The following RAB27B variants were observed in gnomAD, a reference collection of about 807,000 sequenced individuals.
RAB27B encodes the protein RAB27B, member RAS oncogene family.
Under a neutral mutation model 24.6 loss-of-function variants are expected in RAB27B, and 15 were observed. That is an observed-to-expected ratio of 0.61 (90% CI 0.41 to 0.94). The LOEUF is 0.94. Ranked by LOEUF, RAB27B falls within the 40% of genes least tolerant of loss-of-function variation. The probability of loss-of-function intolerance (pLI) is 0.00; values close to 1 mark genes in which losing one functional copy is unlikely to be tolerated. For missense variants in RAB27B, 261 were observed against 266.8 expected, an observed-to-expected ratio of 0.98 and a Z score of 0.15; for synonymous variants, 105 against 92.5, an observed-to-expected ratio of 1.14 and a Z score of -0.78.
At chr18:54,855,426 T>C (rs1911743985) in intron 1 of RAB27B, among the ~76,000 whole-genome samples, 1 of 152,194 alleles carries the variant, frequency 6.6e-6, no homozygotes, top group African/African-American at 2.4e-5. Context: ...ACAAATTATT[T>C]GTATTATATA....
chr18:54,762,463 A>G (rs1908220993), intron 2 of RAB27B, among the ~76,000 whole-genome samples: 1 of 152,172 alleles, frequency 6.6e-6, no homozygotes, highest in Admixed American at 6.6e-5. Flanking sequence ...CTGGGAAATG[A>G]ATACACTCCC....
At chr18:54,771,591 AGTGTGTGT>A (rs36228307) in intron 2 of RAB27B, among the ~76,000 whole-genome samples, 7,416 of 144,914 alleles carry the variant, frequency 0.051, 242 homozygotes, top group African/African-American at 0.082. Flanking sequence ...CTGATAGTTT[AGTGTGTGT>A]GTGTGTGTGT....
chr18:54,885,630 C>G (rs4485448), intron 4 of RAB27B, among the ~76,000 whole-genome samples: 144,456 of 151,386 alleles, frequency 0.95, 69,003 homozygotes, highest in Non-Finnish European at 1. Context: ...ACTCATCACT[C>G]TGTATCCCCT....
chr18:54,775,872 T>A (rs1972415), intron 2 of RAB27B, among the ~76,000 whole-genome samples: 69,847 of 152,038 alleles, frequency 0.46, 17,607 homozygotes, highest in Middle Eastern at 0.59. Flanking sequence ...TCATTCAACA[T>A]CATCCACCTA....
intron 2 of RAB27B, among the ~76,000 whole-genome samples, chr18:54,736,728 AG>A (rs1909907473): frequency 6.6e-6 from 1 of 152,110 alleles, no homozygotes; most frequent in Admixed American, 6.6e-5. Flanking sequence ...TTCTAGGCTA[AG>A]GGGGGTTTTG....
At chr18:54,751,872 T>C (rs559229343) in intron 2 of RAB27B, among the ~76,000 whole-genome samples, 5 of 152,314 alleles carry the variant, frequency 3.3e-5, no homozygotes, top group African/African-American at 9.6e-5. Flanking sequence ...CAGGAAACTA[T>C]AGAAAATACT....
chr18:54,758,796 T>G (rs1455508259), intron 2 of RAB27B, among the ~76,000 whole-genome samples: 1 of 152,090 alleles, frequency 6.6e-6, no homozygotes, highest in African/African-American at 2.4e-5. Flanking sequence ...TATGCTGAAG[T>G]GGGAGCAAAT....
chr18:54,824,387 TA>T (rs1431078170), upstream of RAB27B, among the ~76,000 whole-genome samples: 1 of 152,210 alleles, frequency 6.6e-6, no homozygotes, highest in African/African-American at 2.4e-5. Context: ...GTAACAACTC[TA>T]AAAAATCTTC....
chr18:54,807,501 C>A (rs1278157989), intron 2 of RAB27B, among the ~76,000 whole-genome samples: 2 of 152,174 alleles, frequency 1.3e-5, no homozygotes, highest in African/African-American at 4.8e-5. Flanking sequence ...AACATGATAA[C>A]TTGACTCATC....
intron 1 of RAB27B, among the ~76,000 whole-genome samples, chr18:54,832,280 T>G (rs1910711796): frequency 6.6e-6 from 1 of 151,496 alleles, no homozygotes. Context: ...TACTAATAAA[T>G]TGGATAAAGG....
At position 54,895,110 on chromosome 18, in the gene RAB27B, A is replaced by G. The variant is rs1030970369; in HGVS notation, c.*5697A>G. 1 of 22,762 alleles carries G rather than the reference A, an allele frequency of 4.4e-5. No individual in the cohort carries two copies. Among genetic ancestry groups the G allele is most frequent in the Non-Finnish European group, 1.2e-4 (1 of 8,646 alleles). The allele number at this position is 22,762 out of a possible 1,614,324, so 1.4% of individuals were successfully genotyped here. ...CTGAAATTATTTTTTAAAAAAATAAATTATCCTGCTTTAGTTAGTGTGTTA... is the reference window on the plus strand; with the variant it reads ...CTGAAATTATTTTTTAAAAAAATAAGTTATCCTGCTTTAGTTAGTGTGTTA... On this transcript the variant is annotated 3_prime_UTR_variant, in exon 6 of 6. Transcript: ENST00000262094.
At chr18:54,728,370 GC>G (rs964365367) in intron 2 of RAB27B, among the ~76,000 whole-genome samples, 2 of 152,100 alleles carry the variant, frequency 1.3e-5, no homozygotes, top group Non-Finnish European at 2.9e-5. Context: ...TTTTACTCTT[GC>G]CCCCCTCAGC....
intron 1 of RAB27B, among the ~76,000 whole-genome samples, chr18:54,833,083 A>G (rs1259643625): frequency 6.6e-6 from 1 of 152,192 alleles, no homozygotes; most frequent in African/African-American, 2.4e-5. Context: ...CTGAGCTGTG[A>G]GCATAGTTTG....
At chr18:54,723,278 G>T (rs1909418567) in intron 2 of RAB27B, among the ~76,000 whole-genome samples, 1 of 152,206 alleles carries the variant, frequency 6.6e-6, no homozygotes, top group East Asian at 1.9e-4. Flanking sequence ...GCTCTGAGGT[G>T]CCCCACCGGC....
chr18:54,754,513 G>T (rs935041295), intron 2 of RAB27B, among the ~76,000 whole-genome samples: 5 of 152,170 alleles, frequency 3.3e-5, no homozygotes, highest in Non-Finnish European at 7.4e-5. Flanking sequence ...ACAGTGAGAA[G>T]CAATTGAGCT....
intron 2 of RAB27B, among the ~76,000 whole-genome samples, chr18:54,726,020 T>C (rs1486316502): frequency 6.6e-6 from 1 of 151,626 alleles, no homozygotes; most frequent in Non-Finnish European, 1.5e-5. Context: ...CTATGAGACC[T>C]GCAGATGTCC....
chr18:54,759,475 A>G (rs924000155), intron 2 of RAB27B, among the ~76,000 whole-genome samples: 1 of 152,204 alleles, frequency 6.6e-6, no homozygotes, highest in Non-Finnish European at 1.5e-5. Flanking sequence ...AGCAAATGCC[A>G]GACCAACAAA....
chr18:54,787,433 CAA>C (rs1001026232), intron 2 of RAB27B, among the ~76,000 whole-genome samples: 88 of 152,264 alleles, frequency 5.8e-4, no homozygotes, highest in African/African-American at 2.1e-3. Flanking sequence ...TAAACCAAAA[CAA>C]GAGACATCTT....
At chr18:54,875,515 C>T (rs1912657513) in intron 1 of RAB27B, among the ~76,000 whole-genome samples, 1 of 147,226 alleles carries the variant, frequency 6.8e-6, no homozygotes, top group Admixed American at 7.0e-5. Context: ...GGATCTCTTC[C>T]TAAGAAATGA....
Sources: gnomAD v4.1 joint callset for allele counts (sites outside exome capture counted in the v4.1 genomes callset) on GRCh38, gnomAD v4.1.1 for gene constraint, MANE v1.5 for transcripts, NCBI Gene and HGNC (gene_info 2026-07-23, HGNC 2026-07-21) for gene names.